The following SEMA6D variants were observed in gnomAD, a reference collection of about 807,000 sequenced individuals.
SEMA6D encodes the protein semaphorin 6D.
A neutral mutation model predicts 106.6 loss-of-function variants in SEMA6D; 35 were observed. That is an observed-to-expected ratio of 0.33 (90% CI 0.25 to 0.44). The LOEUF is 0.44. Ranked by LOEUF, SEMA6D falls within the 20% of genes least tolerant of loss-of-function variation. The pLI is 1.00. For missense variants in SEMA6D, 1,185 were observed against 1,345.9 expected, an observed-to-expected ratio of 0.88 and a Z score of 1.87; for synonymous variants, 499 against 487.7, an observed-to-expected ratio of 1.02 and a Z score of -0.31.
At position 47,532,481 on chromosome 15, in the gene SEMA6D, T is replaced by C. The variant is rs78173098; in HGVS notation, c.-87+61936T>C. 3.3e-3 allele frequency among the ~76,000 whole-genome samples: 510 copies of C among 152,320 alleles called. 2 individuals are homozygous for C. The highest frequency in any genetic ancestry group is 0.012 in the African/African-American group (487 of 41,580). On this transcript the variant is annotated intron_variant, in intron 3 of 19. Coordinates refer to the SEMA6D transcript ENST00000558014. ...TTGACTTTTCCTCAGGGTTCTTGGTTCCAGCTCCCTATCGCTTTGGCTTAC... is the reference window on the plus strand; with the variant it reads ...TTGACTTTTCCTCAGGGTTCTTGGTCCCAGCTCCCTATCGCTTTGGCTTAC...
At chr15:47,480,370 C>A (rs953098512) in intron 3 of SEMA6D, among the ~76,000 whole-genome samples, 1 of 152,058 alleles carries the variant, frequency 6.6e-6, no homozygotes, top group Non-Finnish European at 1.5e-5. Flanking sequence ...CCATGGTCGA[C>A]ATGACAAAGT....
intron 1 of SEMA6D, among the ~76,000 whole-genome samples, chr15:47,729,079 G>A (rs193240280): frequency 2.0e-4 from 31 of 152,196 alleles, no homozygotes; most frequent in African/African-American, 5.8e-4. Flanking sequence ...AGGAGCGTGC[G>A]GCCAGAGTCA....
At chr15:47,724,058 C>T (rs1035879364) in intron 1 of SEMA6D, among the ~76,000 whole-genome samples, 6 of 152,260 alleles carry the variant, frequency 3.9e-5, no homozygotes, top group South Asian at 2.1e-4. Flanking sequence ...CACTGGCCTA[C>T]GCCTCACTTG....
chr15:47,431,545 C>T (rs2041523075), intron 2 of SEMA6D, among the ~76,000 whole-genome samples: 1 of 152,138 alleles, frequency 6.6e-6, no homozygotes, highest in Non-Finnish European at 1.5e-5. Flanking sequence ...ACTAACCACA[C>T]CTTCTTGGTA....
chr15:47,227,423 T>C (rs200187173), intron 1 of SEMA6D, among the ~76,000 whole-genome samples: 3 of 87,986 alleles, frequency 3.4e-5, no homozygotes, highest in South Asian at 3.9e-4. Flanking sequence ...TTCTTTCTCT[T>C]TCTTTCTTTC....
At chr15:47,184,267 CGCAGCGCGGAGGCCGGGCGGCAAGGGGA>C (rs1893382613) in exon 1 of SEMA6D, 2 of 152,854 alleles carry the variant, frequency 1.3e-5, no homozygotes, top group Admixed American at 1.3e-4. Flanking sequence ...CAGCAAGGAG[CGCAGCGCGGAGGCCGGGCGGCAAGGGGA>C]GTTTCCAGTC....
chr15:47,468,096 G>A (rs772937288), intron 2 of SEMA6D, among the ~76,000 whole-genome samples: 85 of 152,032 alleles, frequency 5.6e-4, no homozygotes, highest in Non-Finnish European at 1.1e-3. Flanking sequence ...CTGCCTTCTT[G>A]TTGGAAATAC....
rs190892302 is a variant in SEMA6D at position 47,275,837 on chromosome 15, G to T, written c.-239+91419G>T. ...GCTGAGTAAGTAAGTCCTATCAGAA[G>T]CCAAGACAGGCCGAAAGCAAGGCCT... is the stretch of plus-strand genomic sequence containing the variant. On this transcript the variant is annotated intron_variant, in intron 1 of 19. Transcript: ENST00000558014. Among the ~76,000 whole-genome samples the T allele has an allele frequency of 2.0e-5, 3 of 152,218 alleles. No homozygotes were observed. The East Asian group carries it at 5.8e-4, about 29-fold the overall frequency.
chr15:47,465,986 GAAAAT>G (rs1890132661), intron 2 of SEMA6D, among the ~76,000 whole-genome samples: 1 of 152,058 alleles, frequency 6.6e-6, no homozygotes, highest in African/African-American at 2.4e-5. Context: ...AAAAGATAAA[GAAAAT>G]AATGTGTTTT....
intron 2 of SEMA6D, among the ~76,000 whole-genome samples, chr15:47,454,970 G>A (rs1353229304): frequency 6.6e-6 from 1 of 151,896 alleles, no homozygotes. Flanking sequence ...CTCTATGATA[G>A]AAGGGTTAAT....
chr15:47,648,548 A>G (rs2077624939), intron 4 of SEMA6D, among the ~76,000 whole-genome samples: 1 of 152,154 alleles, frequency 6.6e-6, no homozygotes, highest in African/African-American at 2.4e-5. Flanking sequence ...GCACTTAGGG[A>G]GCCCGCCCTA....
At chr15:47,375,251 A>G (rs1362559048) in intron 1 of SEMA6D, among the ~76,000 whole-genome samples, 1 of 152,206 alleles carries the variant, frequency 6.6e-6, no homozygotes, top group Admixed American at 6.5e-5. Context: ...CTGAGGGTCT[A>G]GGAAGTTATG....
At chr15:47,300,180 C>T (rs934294166) in intron 1 of SEMA6D, among the ~76,000 whole-genome samples, 2 of 151,560 alleles carry the variant, frequency 1.3e-5, no homozygotes, top group Admixed American at 6.6e-5. Context: ...CTGTGCTTTC[C>T]TCCTCCTCAC....
At chr15:47,319,985 C>G (rs2036860978) in intron 1 of SEMA6D, among the ~76,000 whole-genome samples, 1 of 152,138 alleles carries the variant, frequency 6.6e-6, no homozygotes. Flanking sequence ...AGTCACAACT[C>G]CCTGTATTCA....
chr15:47,470,548 A>G (rs1025267514), intron 3 of SEMA6D: 2 of 152,056 alleles, frequency 1.3e-5, no homozygotes, highest in Non-Finnish European at 2.9e-5. Flanking sequence ...TGCTGGAGGT[A>G]AGGCATGAAC....
At chr15:47,249,162 A>G (rs2033368309) in intron 1 of SEMA6D, among the ~76,000 whole-genome samples, 1 of 152,198 alleles carries the variant, frequency 6.6e-6, no homozygotes, top group South Asian at 2.1e-4. Context: ...CAGGAGGCAG[A>G]GATTGCAGTG....
At chr15:47,644,667 A>T (rs906106337) in intron 4 of SEMA6D, among the ~76,000 whole-genome samples, 1 of 152,216 alleles carries the variant, frequency 6.6e-6, no homozygotes, top group Non-Finnish European at 1.5e-5. Context: ...CCCTCGCCAG[A>T]CACCAAATGC....
At chr15:47,489,285 C>G (rs1217234818) in intron 3 of SEMA6D, among the ~76,000 whole-genome samples, 1 of 152,184 alleles carries the variant, frequency 6.6e-6, no homozygotes, top group Non-Finnish European at 1.5e-5. Context: ...CTGCCAACAC[C>G]TTGATGTCAG....
At chr15:47,606,620 C>G (rs2076788044) in intron 4 of SEMA6D, among the ~76,000 whole-genome samples, 1 of 152,086 alleles carries the variant, frequency 6.6e-6, no homozygotes, top group Non-Finnish European at 1.5e-5. Context: ...TCATTGGAGC[C>G]CATGTTGGAG....
Sources: gnomAD v4.1 joint callset for allele counts (sites outside exome capture counted in the v4.1 genomes callset) on GRCh38, gnomAD v4.1.1 for gene constraint, MANE v1.5 for transcripts, NCBI Gene and HGNC (gene_info 2026-07-23, HGNC 2026-07-21) for gene names.